OTOA: variants seen among roughly 807,000 people sequenced by gnomAD.
The protein encoded by OTOA is cancer/testis antigen 108.
Under a neutral mutation model 110.8 loss-of-function variants are expected in OTOA, and 70 were observed. That is an observed-to-expected ratio of 0.63 (90% CI 0.52 to 0.77). OTOA has a LOEUF of 0.77. Ranked by LOEUF, OTOA falls within the 30% of genes least tolerant of loss-of-function variation. The pLI is 0.00. For missense variants in OTOA, 917 were observed against 1,075.8 expected, an observed-to-expected ratio of 0.85 and a Z score of 2.06; for synonymous variants, 373 against 431.5, an observed-to-expected ratio of 0.86 and a Z score of 1.68.
chr16:21,674,852 A>G (rs1966854076), intron 1 of OTOA, among the ~76,000 whole-genome samples: 1 of 119,938 alleles, frequency 8.3e-6, no homozygotes, highest in Middle Eastern at 5.1e-3. Flanking sequence ...GTTTTTCAAT[A>G]TAGTCTAGAT....
chr16:21,710,894 T>C (rs1049238593), intron 13 of OTOA, among the ~76,000 whole-genome samples: 1 of 152,056 alleles, frequency 6.6e-6, no homozygotes, highest in African/African-American at 2.4e-5. Flanking sequence ...TTCCAGCTAC[T>C]TGGGAGGCTG....
At chr16:21,720,839 T>C (rs1898707042) in intron 17 of OTOA, among the ~76,000 whole-genome samples, 1 of 152,060 alleles carries the variant, frequency 6.6e-6, no homozygotes, top group Non-Finnish European at 1.5e-5. Flanking sequence ...TCTCAGAGCC[T>C]TCAAATACCA....
intron 15 of OTOA, 41 bp downstream of exon 15, chr16:21,717,088 ATCTG>A (rs759997566): frequency 5.0e-6 from 8 of 1,611,626 alleles, no homozygotes; most frequent in Non-Finnish European, 6.8e-6. Flanking sequence ...ATTTCTGACT[ATCTG>A]TCTTGTGAGA....
intron 1 of OTOA, 139 bp from the exon 2 acceptor site, chr16:21,678,372 G>A (rs1032285665): frequency 9.2e-6 from 5 of 541,142 alleles, no homozygotes; most frequent in South Asian, 2.8e-5. Context: ...GGGATTCTGG[G>A]TGTACTTGGT....
rs199668182 is a variant in OTOA, at chr16:21,671,622, A to AG, written c.-4-6889_-4-6888insG. Among the ~76,000 whole-genome samples, 1,228 of 151,586 alleles carry AG rather than the reference A, an allele frequency of 8.1e-3. 42 individuals carry two copies. The highest frequency in any genetic ancestry group is 0.08 in the East Asian group (411 of 5,168). ...AAAAGAAAAAAGAAAAAAGAAAAAAAAAAAGAAAGAAATATGTCCAACATT... is the reference window on the plus strand; with the variant it reads ...AAAAGAAAAAAGAAAAAAGAAAAAAAGAAAAGAAAGAAATATGTCCAACATT... On this transcript the variant is annotated intron_variant, in intron 1 of 28. Transcript: ENST00000646100.
At chr16:21,714,884 G>A in intron 13 of OTOA, 101 bp from the exon 14 acceptor site, 1 of 1,477,030 alleles carries the variant, frequency 6.8e-7, no homozygotes, top group East Asian at 2.3e-5. Context: ...TGCCCCTAAG[G>A]TGTCACCCAT....
In OTOA at chr16:21,719,396, G is replaced by C; in HGVS notation, c.1698G>C (p.Gln566His). 6.2e-7 allele frequency: 1 copy of C among 1,614,054 alleles called. No homozygotes were observed. Among genetic ancestry groups the C allele is most frequent in the East Asian group, 2.2e-5 (1 of 44,874 alleles). ...TTGTTTTGTTTTCTAGTGCTGGGCA[G>C]CTGGTCAAAGGCGTGACCTGCTCAC... is the stretch of plus-strand genomic sequence containing the variant. Reference protein sequence around the residue: ...RRPEELLSAGQLVKGVTCSHI... With the variant: ...RRPEELLSAGHLVKGVTCSHI... The change falls in exon 17 of 29, where the codon CAG (glutamine) becomes CAC (histidine). Residue 566 changes from glutamine (Q) to histidine (H), a missense_variant. By Grantham distance (24) the Gln-to-His change is conservative. Coordinates refer to ENST00000646100, the MANE Select transcript of OTOA (RefSeq NM_144672.4).
chr16:21,678,200 G>C (rs1039965296), intron 1 of OTOA, among the ~76,000 whole-genome samples: 2 of 151,980 alleles, frequency 1.3e-5, no homozygotes, highest in Non-Finnish European at 2.9e-5. Context: ...GTCTACTTTT[G>C]ACTATACCTT....
intron 28 of OTOA, among the ~76,000 whole-genome samples, chr16:21,758,090 C>G (rs1357297543): frequency 1.3e-5 from 2 of 151,818 alleles, no homozygotes; most frequent in Non-Finnish European, 2.9e-5. Flanking sequence ...GAGGGCTGAG[C>G]TAAGATAGAG....
At chr16:21,735,136 GAAAAAAAA>G (rs1194921869) in intron 21 of OTOA, among the ~76,000 whole-genome samples, 2 of 72,760 alleles carry the variant, frequency 2.7e-5, no homozygotes, top group Non-Finnish European at 5.5e-5. Context: ...ACAAGACTCT[GAAAAAAAA>G]AAAAAAAAAA....
At chr16:21,684,169 A>G (rs1040406329) in intron 6 of OTOA, among the ~76,000 whole-genome samples, 48 of 152,122 alleles carry the variant, frequency 3.2e-4, no homozygotes, top group Non-Finnish European at 4.0e-4. Context: ...ATTCAAATTT[A>G]ACTGAGCATC....
intron 17 of OTOA, among the ~76,000 whole-genome samples, chr16:21,720,590 A>T (rs991302098): frequency 1.3e-5 from 2 of 152,176 alleles, no homozygotes; most frequent in Admixed American, 1.3e-4. Context: ...GGCTGTAAAA[A>T]CACAAATTGG....
chr16:21,717,657 C>T (rs570068009), intron 15 of OTOA, among the ~76,000 whole-genome samples: 6 of 152,206 alleles, frequency 3.9e-5, no homozygotes, highest in East Asian at 1.9e-4. Context: ...GCATTGAGGC[C>T]GCTTGGGGGG....
In OTOA at chr16:21,704,960, A is replaced by G. The variant is rs1188096657; in HGVS notation, c.981-209A>G. ...CCATGTGGTGTCCACTTCATAATTC[A>G]GCCCCCATTCCTTGGTCTCGTCTGA... On this transcript the variant is annotated intron_variant, in intron 11 of 28. Transcript: ENST00000646100. 3.7e-6 allele frequency: 3 copies of G among 819,844 alleles called. No individual in the cohort carries two copies. In the African/African-American group the frequency reaches 5.0e-5, roughly 14 times the overall value. 50.8% of individuals were successfully genotyped at this position (819,844 alleles called of 1,614,324 possible).
chr16:21,722,996 C>T lies in OTOA; in HGVS notation c.1880+18C>T. Reference sequence around the variant, plus strand: ...GCACTCCCGTAAGTGAACATCAGCCCCCACCTTCTGGCTCATCAGTGAGAT... The same window carrying T: ...GCACTCCCGTAAGTGAACATCAGCCTCCACCTTCTGGCTCATCAGTGAGAT... On this transcript the variant is annotated intron_variant, in intron 18 of 28. Transcript: ENST00000646100. The T allele has an allele frequency of 6.2e-7, 1 of 1,612,372 alleles. No individual in the cohort carries two copies. The highest frequency in any genetic ancestry group is 8.5e-7 in the Non-Finnish European group (1 of 1,178,468).
rs746858630 is a variant in OTOA, at chr16:21,736,382, C to G, written c.2423C>G (p.Pro808Arg). ...AGTGATAAGATCCCCAGCTATGACCCTATGCCTGGTGAGTGTTTTCAGGGT... is the reference window on the plus strand; with the variant it reads ...AGTGATAAGATCCCCAGCTATGACCGTATGCCTGGTGAGTGTTTTCAGGGT... ...NSSDKIPSYD[P>R]MPGCHGVVAP... Residue 808 changes from proline to arginine, a missense_variant, in exon 22 of 29, where the codon CCT becomes CGT. Around this residue, in one of 6 missense-constraint regions of OTOA, gnomAD observed 57 missense variants for 59.7 expected, o/e 0.96. Transcript: ENST00000646100. 3 of 1,614,136 alleles carry G rather than the reference C, an allele frequency of 1.9e-6. No individual in the cohort carries two copies. The highest frequency in any genetic ancestry group is 1.3e-5 in the African/African-American group (1 of 75,020).
chr16:21,671,780 A>G (rs1251117733), intron 1 of OTOA, among the ~76,000 whole-genome samples: 4 of 152,076 alleles, frequency 2.6e-5, no homozygotes, highest in African/African-American at 9.7e-5. Flanking sequence ...CACTAAGTGT[A>G]CAGTTCAGTG....
intron 20 of OTOA, 129 bp downstream of exon 20, chr16:21,728,560 G>C: frequency 2.6e-6 from 3 of 1,174,252 alleles, no homozygotes; most frequent in Non-Finnish European, 3.5e-6. Flanking sequence ...TGCTTATTTT[G>C]GAAATGTGAC....
At chr16:21,718,067 A>G (rs1898611128) in intron 15 of OTOA, among the ~76,000 whole-genome samples, 1 of 151,990 alleles carries the variant, frequency 6.6e-6, no homozygotes, top group African/African-American at 2.4e-5. Context: ...AGCAATCCTC[A>G]TGGCTCCACC....
Sources: allele counts gnomAD v4.1 joint callset (sites outside exome capture counted in the v4.1 genomes callset), GRCh38; gene constraint gnomAD v4.1.1; regional missense constraint gnomAD v4.1.1; transcripts MANE v1.5; gene names NCBI Gene and HGNC (gene_info 2026-07-23, HGNC 2026-07-21).